KCNIP4: variants seen among roughly 807,000 people sequenced by gnomAD.
KCNIP4 encodes potassium voltage-gated channel interacting protein 4.
A neutral mutation model predicts 34.0 loss-of-function variants in KCNIP4; 12 were observed. The observed-to-expected ratio is 0.35, with a 90% confidence interval of 0.23 to 0.57. The LOEUF is 0.57. KCNIP4 is among the 20% of genes least tolerant of loss of function. The probability of loss-of-function intolerance (pLI) is 0.83; values close to 1 mark genes in which losing one functional copy is unlikely to be tolerated. For synonymous variants in KCNIP4, 124 were observed against 102.2 expected, an observed-to-expected ratio of 1.21 and a Z score of -1.29; for missense variants, 238 against 311.7, an observed-to-expected ratio of 0.76 and a Z score of 1.78.
chr4:20,747,343 T>G (rs1428177075), intron 5 of KCNIP4, among the ~76,000 whole-genome samples: 1 of 152,230 alleles, frequency 6.6e-6, no homozygotes, highest in African/African-American at 2.4e-5. Flanking sequence ...AAGTTTATAT[T>G]AGGTGAACTA....
At chr4:21,112,521 A>G (rs1749309402) in intron 1 of KCNIP4, among the ~76,000 whole-genome samples, 1 of 152,252 alleles carries the variant, frequency 6.6e-6, no homozygotes, top group Non-Finnish European at 1.5e-5. Context: ...GCCAGCCACA[A>G]TAAGATGAAA....
intron 3 of KCNIP4, among the ~76,000 whole-genome samples, chr4:20,818,279 G>C (rs531401519): frequency 2.0e-5 from 3 of 152,310 alleles, no homozygotes; most frequent in African/African-American, 7.2e-5. Context: ...AGTAGCAATA[G>C]AATAGCCAGA....
chr4:21,801,593 CTTAT>C (rs1282399194), intron 1 of KCNIP4, among the ~76,000 whole-genome samples: 1 of 151,748 alleles, frequency 6.6e-6, no homozygotes, highest in East Asian at 1.9e-4. Context: ...AAGAATTTTA[CTTAT>C]TTATTTTATT....
chr4:21,779,109 T>A (rs1354768794), intron 1 of KCNIP4, among the ~76,000 whole-genome samples: 2 of 152,116 alleles, frequency 1.3e-5, no homozygotes, highest in Admixed American at 1.3e-4. Flanking sequence ...CCATAAGGGA[T>A]TCCACTGTGA....
chr4:20,964,397 C>T (rs1352545118), intron 1 of KCNIP4, among the ~76,000 whole-genome samples: 2 of 152,178 alleles, frequency 1.3e-5, no homozygotes, highest in African/African-American at 4.8e-5. Context: ...AATATTTAAT[C>T]ATTCTGGGAG....
chr4:21,241,433 A>G (rs1474077210), intron 1 of KCNIP4, among the ~76,000 whole-genome samples: 1 of 152,150 alleles, frequency 6.6e-6, no homozygotes, highest in Non-Finnish European at 1.5e-5. Context: ...ATTCTTTGAC[A>G]TTCACAGAGG....
chr4:21,391,600 T>C (rs972909153), intron 1 of KCNIP4, among the ~76,000 whole-genome samples: 1 of 152,150 alleles, frequency 6.6e-6, no homozygotes, highest in Non-Finnish European at 1.5e-5. Context: ...ATACTTGATA[T>C]GCTCCACCAT....
At chr4:20,948,151 T>C (rs1051286108) in intron 1 of KCNIP4, among the ~76,000 whole-genome samples, 1 of 152,236 alleles carries the variant, frequency 6.6e-6, no homozygotes, top group African/African-American at 2.4e-5. Context: ...TTGACTTTTC[T>C]GCTCCAGATT....
intron 1 of KCNIP4, among the ~76,000 whole-genome samples, chr4:21,521,518 A>T (rs937841271): frequency 6.6e-6 from 1 of 152,124 alleles, no homozygotes; most frequent in Non-Finnish European, 1.5e-5. Context: ...CCTGTTCCCT[A>T]GGACTACTTG....
At chr4:21,468,654 T>C (rs1229111938) in intron 1 of KCNIP4, among the ~76,000 whole-genome samples, 1 of 152,010 alleles carries the variant, frequency 6.6e-6, no homozygotes, top group Non-Finnish European at 1.5e-5. Flanking sequence ...GAGAAAAAAA[T>C]CTAAGACAAG....
At chr4:21,039,223 A>G (rs1435126758) in intron 1 of KCNIP4, among the ~76,000 whole-genome samples, 2 of 152,002 alleles carry the variant, frequency 1.3e-5, no homozygotes, top group African/African-American at 2.4e-5. Flanking sequence ...TTAGCTGGAC[A>G]TGGTGGTGTG....
At chr4:21,283,857 A>G (rs1486013401) in intron 1 of KCNIP4, among the ~76,000 whole-genome samples, 2 of 152,104 alleles carry the variant, frequency 1.3e-5, no homozygotes, top group African/African-American at 4.8e-5. Flanking sequence ...CACAAAAAAA[A>G]TAAAAATAAA....
At chr4:21,281,017 T>C (rs771879168) in intron 1 of KCNIP4, among the ~76,000 whole-genome samples, 4 of 151,794 alleles carry the variant, frequency 2.6e-5, no homozygotes, top group Non-Finnish European at 5.9e-5. Flanking sequence ...CTCAATTCTA[T>C]AAGATACGCT....
chr4:20,922,547 G>GTCTA (rs1553916287), intron 1 of KCNIP4, among the ~76,000 whole-genome samples: 1,548 of 129,478 alleles, frequency 0.012, 24 homozygotes, highest in African/African-American at 0.031. Context: ...CTGTCTGTCT[G>GTCTA]TCTATCTATC....
At chr4:21,754,896 C>T (rs777610704) in intron 1 of KCNIP4, among the ~76,000 whole-genome samples, 4 of 152,092 alleles carry the variant, frequency 2.6e-5, no homozygotes, top group Non-Finnish European at 4.4e-5. Flanking sequence ...ATCTGTAATC[C>T]AGCATTTTTG....
intron 1 of KCNIP4, among the ~76,000 whole-genome samples, chr4:21,640,190 G>C (rs1447747815): frequency 6.6e-6 from 1 of 152,144 alleles, no homozygotes; most frequent in Non-Finnish European, 1.5e-5. Flanking sequence ...TTGCCGCTTT[G>C]ACTCTGCTTT....
chr4:21,186,721 A>G (rs1560785), intron 1 of KCNIP4, among the ~76,000 whole-genome samples: 35,580 of 152,090 alleles, frequency 0.23, 4,989 homozygotes, highest in African/African-American at 0.39. Flanking sequence ...CCCATCTCAC[A>G]GCGGCCTTCA....
chr4:21,671,906 C>T (rs180868653), intron 1 of KCNIP4, among the ~76,000 whole-genome samples: 2 of 152,268 alleles, frequency 1.3e-5, no homozygotes, highest in East Asian at 3.9e-4. Context: ...CAAGCAAACG[C>T]ATCCCACTAG....
At chr4:21,289,658 G>T (rs1028871922) in intron 1 of KCNIP4, among the ~76,000 whole-genome samples, 1 of 152,136 alleles carries the variant, frequency 6.6e-6, no homozygotes, top group African/African-American at 2.4e-5. Context: ...TGGAATCTTT[G>T]CACTGGTCTT....
Sources: gnomAD v4.1 joint callset for allele counts (sites outside exome capture counted in the v4.1 genomes callset) on GRCh38, gnomAD v4.1.1 for gene constraint, MANE v1.5 for transcripts, NCBI Gene and HGNC (gene_info 2026-07-23, HGNC 2026-07-21) for gene names.